The following PBX1 variants were observed in gnomAD, a reference collection of about 807,000 sequenced individuals.
PBX1 encodes the protein pre-B-cell leukemia transcription factor 1.
Under a neutral mutation model 53.4 loss-of-function variants are expected in PBX1, and 6 were observed. That is an observed-to-expected ratio of 0.11 (90% CI 0.06 to 0.22). The LOEUF (loss-of-function observed/expected upper bound fraction) is 0.22, where lower values mean the gene tolerates loss of function less well. PBX1 is among the 10% of genes least tolerant of loss of function. The pLI, the probability that PBX1 is intolerant of heterozygous loss-of-function variation, is 1.00. For missense variants in PBX1, 251 were observed against 551.4 expected (o/e 0.46, Z 5.46); for synonymous variants, 204 against 212.3 (o/e 0.96, Z 0.34).
intron 2 of PBX1, among the ~76,000 whole-genome samples, chr1:164,621,472 C>A (rs566999904): frequency 6.6e-6 from 1 of 152,118 alleles, no homozygotes; most frequent in Admixed American, 6.5e-5. Flanking sequence ...CTATTTAGTA[C>A]AGGGGGATGG....
At chr1:164,622,557 G>A (rs1657752627) in intron 2 of PBX1, among the ~76,000 whole-genome samples, 1 of 152,132 alleles carries the variant, frequency 6.6e-6, no homozygotes, top group Non-Finnish European at 1.5e-5. Flanking sequence ...AGCACTTGAT[G>A]TGCACATGCT....
chr1:164,624,064 T>C (rs560844882), intron 2 of PBX1, among the ~76,000 whole-genome samples: 1 of 152,308 alleles, frequency 6.6e-6, no homozygotes, highest in South Asian at 2.1e-4. Context: ...TTCTTATAGG[T>C]AGCATTGCTG....
chr1:164,838,088 A>C (rs1190056589), intron 8 of PBX1, among the ~76,000 whole-genome samples: 2 of 152,196 alleles, frequency 1.3e-5, no homozygotes, highest in African/African-American at 4.8e-5. Flanking sequence ...GCAGGAGGGC[A>C]CACTATGATG....
intron 2 of PBX1, among the ~76,000 whole-genome samples, chr1:164,616,374 C>T (rs544182952): frequency 6.6e-6 from 1 of 152,218 alleles, no homozygotes; most frequent in South Asian, 2.1e-4. Context: ...TGGGAAGCTC[C>T]GTTTACTGAT....
intron 2 of PBX1, among the ~76,000 whole-genome samples, chr1:164,584,412 G>C (rs550793937): frequency 3.3e-5 from 5 of 152,156 alleles, no homozygotes; most frequent in South Asian, 2.1e-4. Context: ...CTGCTTGAAG[G>C]ATACTAGTTT....
downstream of PBX1, among the ~76,000 whole-genome samples, chr1:164,856,217 G>A (rs1201870200): frequency 6.6e-6 from 1 of 152,140 alleles, no homozygotes; most frequent in Non-Finnish European, 1.5e-5. Context: ...CTTCTGCCTT[G>A]GAGTTCCAGG....
At chr1:164,566,782 TA>T (rs541064434) in intron 2 of PBX1, among the ~76,000 whole-genome samples, 1 of 152,234 alleles carries the variant, frequency 6.6e-6, no homozygotes, top group African/African-American at 2.4e-5. Context: ...AGAATATTTA[TA>T]GATAGCAATG....
At chr1:164,875,078 G>C (rs182928337) in intron 2 of PBX1, among the ~76,000 whole-genome samples, 18 of 152,246 alleles carry the variant, frequency 1.2e-4, no homozygotes, top group African/African-American at 4.1e-4. Flanking sequence ...TCAGTGTGCT[G>C]GTGAAAAATC....
At chr1:164,846,452 C>G in intron 8 of PBX1, 132 bp from the exon 9 acceptor site, 1 of 766,242 alleles carries the variant, frequency 1.3e-6, no homozygotes, top group South Asian at 1.6e-5. Context: ...GTAATAGTTG[C>G]CCATTTGATG....
intron 2 of PBX1, among the ~76,000 whole-genome samples, chr1:164,870,326 T>TTTCTTTCTTTC (rs1672344527): frequency 8.6e-6 from 1 of 115,854 alleles, no homozygotes; most frequent in Non-Finnish European, 1.8e-5. Flanking sequence ...TCTTTCTTTC[T>TTTCTTTCTTTC]TTCTTTCTTT....
rs575583249 is a variant in PBX1 at position 164,803,162 on chromosome 1, G to A, written c.701+3273G>A. Among the ~76,000 whole-genome samples the A allele has an allele frequency of 2.1e-3, 326 of 152,236 alleles. 1 individual carries two copies. Among genetic ancestry groups the A allele is most frequent in the African/African-American group, 7.3e-3 (303 of 41,540 alleles). ...CTAACTGAGCTCTTACTATCTGCCCGATGTTATAGTAGCCACTGGAACATC... is the reference window on the plus strand; with the variant it reads ...CTAACTGAGCTCTTACTATCTGCCCAATGTTATAGTAGCCACTGGAACATC... On this transcript the variant is annotated intron_variant, in intron 4 of 8. Transcript: ENST00000420696.
At chr1:164,791,051 G>A (rs1047915979) in intron 2 of PBX1, among the ~76,000 whole-genome samples, 1 of 152,046 alleles carries the variant, frequency 6.6e-6, no homozygotes, top group Admixed American at 6.5e-5. Context: ...AACCAACACC[G>A]GACCCCTCTC....
chr1:164,799,635 A>G, intron 3 of PBX1, 64 bp from the exon 4 acceptor site: 1 of 1,500,706 alleles, frequency 6.7e-7, no homozygotes, highest in African/African-American at 1.4e-5. Flanking sequence ...GCCTAATGTC[A>G]TAGACTTGAT....
intron 3 of PBX1, 96 bp downstream of exon 3, chr1:164,792,834 TC>T: frequency 2.1e-6 from 2 of 931,674 alleles, no homozygotes; most frequent in South Asian, 1.8e-5. Context: ...GGCTCACCTT[TC>T]CCAGGTGCTG....
downstream of PBX1, among the ~76,000 whole-genome samples, chr1:164,852,646 T>C (rs113427926): frequency 0.02 from 3,090 of 152,330 alleles, 116 homozygotes; most frequent in African/African-American, 0.068. Flanking sequence ...CTCTATGAGA[T>C]GAGTATGTAT....
At chr1:164,728,692 G>T (rs375406163) in intron 2 of PBX1, among the ~76,000 whole-genome samples, 133 of 152,258 alleles carry the variant, frequency 8.7e-4, no homozygotes, top group African/African-American at 3.1e-3. Flanking sequence ...CTCAGCCAAA[G>T]AATTATTTTC....
At chr1:164,773,241 G>GCACACACA (rs746140319) in intron 2 of PBX1, among the ~76,000 whole-genome samples, 9,817 of 135,180 alleles carry the variant, frequency 0.073, 445 homozygotes, top group East Asian at 0.12. Context: ...TAGGTAACAC[G>GCACACACA]CGCACACACA....
At chr1:164,752,543 A>G (rs1666290555) in intron 2 of PBX1, among the ~76,000 whole-genome samples, 1 of 152,278 alleles carries the variant, frequency 6.6e-6, no homozygotes, top group South Asian at 2.1e-4. Context: ...CCAACTCCTG[A>G]CAGTTATATA....
chr1:164,678,045 G>C (rs1661539544), intron 2 of PBX1, among the ~76,000 whole-genome samples: 1 of 152,146 alleles, frequency 6.6e-6, no homozygotes, highest in African/African-American at 2.4e-5. Context: ...ATTCAACATG[G>C]TACCTTAACT....
Sources: allele counts gnomAD v4.1 joint callset (sites outside exome capture counted in the v4.1 genomes callset), GRCh38; gene constraint gnomAD v4.1.1; transcripts MANE v1.5; gene names NCBI Gene and HGNC (gene_info 2026-07-23, HGNC 2026-07-21).